Variants in LRRTM3 observed in about 807,000 individuals in gnomAD.
LRRTM3 encodes leucine-rich repeat transmembrane neuronal protein 3.
LRRTM3 carries 24 observed loss-of-function variants against 44.7 expected under a neutral mutation model. The ratio of observed to expected loss-of-function variants is 0.54; its 90% CI spans 0.39 to 0.76. LRRTM3 has a LOEUF of 0.76. Among genes scored for constraint, LRRTM3 ranks in the 30% least tolerant of loss-of-function variants. LRRTM3 has a pLI of 0.00. For missense variants in LRRTM3, 587 were observed against 702.2 expected (o/e 0.84, Z 1.85); for synonymous variants, 277 against 278.7 (o/e 0.99, Z 0.06).
intron 2 of LRRTM3, among the ~76,000 whole-genome samples, chr10:66,975,556 G>A (rs2132849351): frequency 6.6e-6 from 1 of 152,288 alleles, no homozygotes; most frequent in East Asian, 1.9e-4. Flanking sequence ...GAAGCGGTCT[G>A]TCTTTGACTT....
intron 2 of LRRTM3, among the ~76,000 whole-genome samples, chr10:66,991,370 G>T (rs964771577): frequency 2.6e-5 from 4 of 151,902 alleles, no homozygotes; most frequent in African/African-American, 9.7e-5. Context: ...AAAATTAAAG[G>T]ATATTTTATC....
intron 2 of LRRTM3, among the ~76,000 whole-genome samples, chr10:67,045,882 A>T (rs1185471886): frequency 6.6e-6 from 1 of 152,236 alleles, no homozygotes; most frequent in Non-Finnish European, 1.5e-5. Context: ...GGTCCCCCAA[A>T]TAATAAGCTG....
intron 2 of LRRTM3, among the ~76,000 whole-genome samples, chr10:67,025,870 A>G (rs577151707): frequency 6.7e-6 from 1 of 150,056 alleles, no homozygotes; most frequent in African/African-American, 2.5e-5. Context: ...AATGTCCAAC[A>G]ATGATAGACT....
chr10:67,052,763 CAAAG>C (rs1283647046), intron 2 of LRRTM3: 5 of 151,892 alleles, frequency 3.3e-5, no homozygotes, highest in Non-Finnish European at 5.9e-5. Context: ...AACAAACAAA[CAAAG>C]AAACAAACAA....
Position 66,991,325 on chromosome 10 carries a change from G to C in LRRTM3, c.1536+62873G>C, listed in dbSNP as rs558162267. ...AGTGCCAATGTCCAGGAATTAGTTT[G>C]CTTTTCTGAAATAATATTTAAGATA... is the stretch of plus-strand genomic sequence containing the variant. On this transcript the variant is annotated intron_variant, in intron 2 of 2. Transcript: ENST00000361320. Among the ~76,000 whole-genome samples, 8 of 152,130 alleles carry C rather than the reference G, an allele frequency of 5.3e-5. 1 individual carries two copies. Among genetic ancestry groups the C allele is most frequent in the African/African-American group, 1.9e-4 (8 of 41,524 alleles).
chr10:67,017,895 A>T (rs1383618571), intron 2 of LRRTM3, among the ~76,000 whole-genome samples: 3 of 151,874 alleles, frequency 2.0e-5, no homozygotes, highest in African/African-American at 7.3e-5. Context: ...TCAGCCTCCC[A>T]AGTAGCCGGG....
At chr10:66,995,216 T>C (rs1851263363) in intron 2 of LRRTM3, among the ~76,000 whole-genome samples, 1 of 152,192 alleles carries the variant, frequency 6.6e-6, no homozygotes, top group African/African-American at 2.4e-5. Flanking sequence ...TCTCCGTGAA[T>C]AGAACCACCA....
intron 2 of LRRTM3, among the ~76,000 whole-genome samples, chr10:66,930,469 T>C (rs1291668554): frequency 1.3e-5 from 2 of 152,178 alleles, no homozygotes; most frequent in Non-Finnish European, 2.9e-5. Context: ...AAATTTTCTT[T>C]GGCTAGCCTC....
chr10:66,996,718 C>A (rs982933636), intron 2 of LRRTM3, among the ~76,000 whole-genome samples: 1 of 147,022 alleles, frequency 6.8e-6, no homozygotes, highest in Non-Finnish European at 1.5e-5. Context: ...TTAATTAGCG[C>A]CTATGCAGTT....
At chr10:66,991,368 A>T (rs914742165) in intron 2 of LRRTM3, among the ~76,000 whole-genome samples, 10 of 152,180 alleles carry the variant, frequency 6.6e-5, no homozygotes, top group Admixed American at 3.3e-4. Context: ...TTAAAATTAA[A>T]GGATATTTTA....
intron 2 of LRRTM3, among the ~76,000 whole-genome samples, chr10:67,063,728 T>C (rs1855898670): frequency 6.6e-6 from 1 of 152,258 alleles, no homozygotes; most frequent in African/African-American, 2.4e-5. Flanking sequence ...GAGGGTTACT[T>C]GTACTCTATA....
intron 2 of LRRTM3, among the ~76,000 whole-genome samples, chr10:66,961,040 A>G (rs1167415329): frequency 6.6e-6 from 1 of 152,226 alleles, no homozygotes; most frequent in Non-Finnish European, 1.5e-5. Context: ...TAGTTATCAC[A>G]ATATTAAAAA....
rs117668072 is a variant in LRRTM3, at chr10:66,942,403, A to C, written c.1536+13951A>C. ...GCTCTATTAAGTATTCTTCTGTAAC[A>C]ATGTTGTTCAGCAACACAACAGAAA... On this transcript the variant is annotated intron_variant, in intron 2 of 2. Coordinates refer to ENST00000361320, the MANE Select transcript of LRRTM3 (RefSeq NM_178011.5). Among the ~76,000 whole-genome samples, 412 of 152,286 alleles carry C rather than the reference A, an allele frequency of 2.7e-3. 13 individuals carry two copies. The highest frequency in any genetic ancestry group is 0.024 in the Admixed American group (369 of 15,290).
chr10:67,054,194 TA>T (rs11334144), intron 2 of LRRTM3, among the ~76,000 whole-genome samples: 84,460 of 150,844 alleles, frequency 0.56, 23,895 homozygotes, highest in East Asian at 0.78. Context: ...TCCTGGTTAT[TA>T]AAAAAAAAAC....
intron 2 of LRRTM3, among the ~76,000 whole-genome samples, chr10:66,933,713 A>G (rs1847534522): frequency 6.6e-6 from 1 of 152,096 alleles, no homozygotes; most frequent in Admixed American, 6.6e-5. Context: ...TTGAAAAATC[A>G]CTGGATAAAA....
At chr10:66,926,775 T>G in intron 1 of LRRTM3, 146 bp from the exon 2 acceptor site, 2 of 969,942 alleles carry the variant, frequency 2.1e-6, no homozygotes, top group Non-Finnish European at 3.0e-6. Context: ...AAGACAATTC[T>G]CTTTAATTAC....
chr10:66,928,746 ATTTGT>A lies in LRRTM3; in HGVS notation c.1536+298_1536+302del, dbSNP rs1847214731. Reference sequence around the variant, plus strand: ...CCTTTACTGATTCCATTAATGTCGCATTTGTTTTAAGATAAAACTTCTTTCATAAG... The same window carrying A: ...CCTTTACTGATTCCATTAATGTCGCATTTAAGATAAAACTTCTTTCATAAG... On this transcript the variant is annotated intron_variant, in intron 2 of 2. Transcript: ENST00000361320. Among the ~76,000 whole-genome samples the A allele has an allele frequency of 3.3e-5, 5 of 152,348 alleles. No homozygotes were observed. The South Asian group carries it at 1.0e-3, about 32-fold the overall frequency.
intron 2 of LRRTM3, among the ~76,000 whole-genome samples, chr10:66,957,078 GTATC>G (rs1385285751): frequency 5.3e-5 from 8 of 152,104 alleles, no homozygotes; most frequent in African/African-American, 1.9e-4. Flanking sequence ...TTCATGACAT[GTATC>G]TATCACACAT....
At chr10:66,977,155 T>C (rs966061052) in intron 2 of LRRTM3, among the ~76,000 whole-genome samples, 3 of 151,916 alleles carry the variant, frequency 2.0e-5, no homozygotes, top group African/African-American at 7.3e-5. Context: ...TATATAAAGG[T>C]TGGCCGGGCA....
Sources: gnomAD v4.1 joint callset for allele counts (sites outside exome capture counted in the v4.1 genomes callset) on GRCh38, gnomAD v4.1.1 for gene constraint, MANE v1.5 for transcripts, NCBI Gene and HGNC (gene_info 2026-07-23, HGNC 2026-07-21) for gene names.